The following SPECC1L variants were observed in gnomAD, a reference collection of about 807,000 sequenced individuals.
SPECC1L encodes cytospin-A.
A neutral mutation model predicts 116.8 loss-of-function variants in SPECC1L; 40 were observed. The ratio of observed to expected loss-of-function variants is 0.34; its 90% CI spans 0.27 to 0.45. The LOEUF (loss-of-function observed/expected upper bound fraction) is 0.45. Among genes scored for constraint, SPECC1L ranks in the 20% least tolerant of loss-of-function variants. The probability of loss-of-function intolerance (pLI) is 1.00; values close to 1 mark genes in which losing one functional copy is unlikely to be tolerated. For missense variants in SPECC1L, 1,110 were observed against 1,373.6 expected (o/e 0.81, Z 3.03); for synonymous variants, 504 against 500.6 (o/e 1.01, Z -0.09).
intron 2 of SPECC1L, among the ~76,000 whole-genome samples, chr22:24,284,366 G>A (rs1474566628): frequency 6.6e-6 from 1 of 152,036 alleles, no homozygotes; most frequent in African/African-American, 2.4e-5. Flanking sequence ...GAGTTCCCAA[G>A]TATTTCAGAA....
intron 7 of SPECC1L, 146 bp from the exon 8 acceptor site, chr22:24,330,108 TAC>T: frequency 1.3e-6 from 1 of 762,942 alleles, no homozygotes; most frequent in Non-Finnish European, 2.1e-6. Flanking sequence ...TAGAAATAGA[TAC>T]TAGCAATTCT....
intron 8 of SPECC1L, among the ~76,000 whole-genome samples, chr22:24,332,752 A>G (rs1187396673): frequency 6.6e-6 from 1 of 151,972 alleles, no homozygotes; most frequent in Non-Finnish European, 1.5e-5. Context: ...TCATAAAAAT[A>G]TATTAGCCCT....
At chr22:24,315,428 T>C (rs1425877741) in intron 4 of SPECC1L, among the ~76,000 whole-genome samples, 1 of 152,254 alleles carries the variant, frequency 6.6e-6, no homozygotes, top group African/African-American at 2.4e-5. Context: ...TCAGTAAATA[T>C]TTATTGGGGA....
chr22:24,375,950 A>AAAAC (rs748877884), intron 14 of SPECC1L, among the ~76,000 whole-genome samples: 15 of 147,692 alleles, frequency 1.0e-4, no homozygotes, highest in East Asian at 3.9e-4. Context: ...ACTCTGTCTC[A>AAAAC]AAACAAACAA....
intron 14 of SPECC1L, among the ~76,000 whole-genome samples, chr22:24,407,227 A>G (rs539187679): frequency 3.3e-5 from 5 of 152,222 alleles, no homozygotes; most frequent in African/African-American, 1.2e-4. Context: ...GTTGTCAGGT[A>G]CTCAAATGTG....
At chr22:24,319,695 A>T (rs1440158765) in intron 4 of SPECC1L, among the ~76,000 whole-genome samples, 1 of 152,024 alleles carries the variant, frequency 6.6e-6, no homozygotes, top group Non-Finnish European at 1.5e-5. Flanking sequence ...TGCCATGTTC[A>T]CTTCTGCTTC....
At chr22:24,331,875 A>G (rs560811948) in intron 8 of SPECC1L, among the ~76,000 whole-genome samples, 1 of 152,172 alleles carries the variant, frequency 6.6e-6, no homozygotes, top group Admixed American at 6.5e-5. Flanking sequence ...TTGGTAAAAC[A>G]TTAAATTATT....
At chr22:24,364,383 C>G (rs144755252) in intron 12 of SPECC1L, among the ~76,000 whole-genome samples, 1 of 151,216 alleles carries the variant, frequency 6.6e-6, no homozygotes, top group African/African-American at 2.4e-5. Flanking sequence ...TGCCCTGAGG[C>G]CAGTTGCGGT....
In SPECC1L at chr22:24,397,816, GA is replaced by G. The variant is rs370216542; in HGVS notation, c.3088-13771del. Among the ~76,000 whole-genome samples, 19 of 151,808 alleles carry G rather than the reference GA, an allele frequency of 1.3e-4. No homozygotes were observed. The East Asian group carries it at 2.3e-3, about 19-fold the overall frequency. On this transcript the variant is annotated intron_variant, in intron 14 of 16. Transcript: ENST00000314328. ...TTTTTCTTTCTCTTTAAATTCTCTG[GA>G]CTTTGTTTCTGGATGGAGTTTTCTT...
chr22:24,397,110 T>C (rs1457334018), intron 14 of SPECC1L, among the ~76,000 whole-genome samples: 2 of 152,150 alleles, frequency 1.3e-5, no homozygotes, highest in Non-Finnish European at 2.9e-5. Flanking sequence ...AGTTGAGGGC[T>C]CTGGAGAGAA....
In SPECC1L at chr22:24,334,599, C is replaced by T. The variant is rs200761009; in HGVS notation, c.2560+26C>T. ...GTAATTAATTTCTCCTACATTGTGC[C>T]TACTGCATGCGGTTGTGTTCACTTA... On this transcript the variant is annotated intron_variant, in intron 9 of 16. Transcript: ENST00000314328. 3.7e-6 allele frequency: 6 copies of T among 1,612,708 alleles called. No homozygotes were observed. The African/African-American group carries it at 6.7e-5, about 18-fold the overall frequency.
chr22:24,391,199 A>G (rs2042268475), intron 14 of SPECC1L, among the ~76,000 whole-genome samples: 1 of 152,064 alleles, frequency 6.6e-6, no homozygotes, highest in African/African-American at 2.4e-5. Flanking sequence ...TACTGCACAC[A>G]GCAGAGGTTA....
intron 14 of SPECC1L, among the ~76,000 whole-genome samples, chr22:24,409,631 G>A (rs989172565): frequency 9.2e-5 from 14 of 152,132 alleles, no homozygotes; most frequent in African/African-American, 3.1e-4. Flanking sequence ...CCAGCCTGGA[G>A]ACAAAGTGAG....
intron 2 of SPECC1L, among the ~76,000 whole-genome samples, chr22:24,283,276 C>A (rs896234757): frequency 6.6e-6 from 1 of 151,914 alleles, no homozygotes; most frequent in African/African-American, 2.4e-5. Flanking sequence ...TATGGGGTTT[C>A]ACCGTGTTAG....
chr22:24,313,786 T>C (rs987313785), intron 4 of SPECC1L, among the ~76,000 whole-genome samples: 1 of 150,528 alleles, frequency 6.6e-6, no homozygotes, highest in Non-Finnish European at 1.5e-5. Flanking sequence ...TCACGCAGGC[T>C]GAAGTGCAAT....
intron 14 of SPECC1L, among the ~76,000 whole-genome samples, chr22:24,383,839 G>A (rs1444070785): frequency 1.2e-4 from 10 of 85,334 alleles, no homozygotes; most frequent in African/African-American, 4.7e-4. Flanking sequence ...TTTTAGTAGA[G>A]ATGGGGTTTT....
chr22:24,370,088 C>G (rs1330408890), intron 14 of SPECC1L, among the ~76,000 whole-genome samples: 1 of 152,210 alleles, frequency 6.6e-6, no homozygotes, highest in Non-Finnish European at 1.5e-5. Flanking sequence ...TAGACTTCAT[C>G]TCACCAAAAT....
chr22:24,320,151 C>T (rs931557794), intron 4 of SPECC1L, among the ~76,000 whole-genome samples: 2 of 152,168 alleles, frequency 1.3e-5, no homozygotes, highest in Non-Finnish European at 2.9e-5. Context: ...TGGCACGCTC[C>T]TGTAATCCCA....
In SPECC1L at chr22:24,315,217, G is replaced by T. The variant is rs193020462; in HGVS notation, c.307+1751G>T. ...TTCATTTTTGCTTTGGCTTTATGCA[G>T]ATTCTTCCTTCCATTTCAGATTGGG... is the stretch of plus-strand genomic sequence containing the variant. On this transcript the variant is annotated intron_variant, in intron 4 of 16. Coordinates refer to ENST00000314328, the MANE Select transcript of SPECC1L (RefSeq NM_015330.6). 4.8e-3 allele frequency among the ~76,000 whole-genome samples: 727 copies of T among 152,350 alleles called. 4 individuals carry two copies. Among genetic ancestry groups the T allele is most frequent in the Non-Finnish European group, 6.5e-3 (439 of 68,038 alleles).
Sources: gnomAD v4.1 joint callset for allele counts (sites outside exome capture counted in the v4.1 genomes callset) on GRCh38, gnomAD v4.1.1 for gene constraint, MANE v1.5 for transcripts, NCBI Gene and HGNC (gene_info 2026-07-23, HGNC 2026-07-21) for gene names.